The following ADAM17 variants were observed in gnomAD, a reference collection of about 807,000 sequenced individuals.
The protein encoded by ADAM17 is ADAM metallopeptidase domain 17.
In ADAM17, 39 loss-of-function variants were observed where a neutral mutation model predicts 96.7. That is an observed-to-expected ratio of 0.40 (90% CI 0.31 to 0.53). The LOEUF (loss-of-function observed/expected upper bound fraction) is 0.53, where lower values mean the gene tolerates loss of function less well. ADAM17 is among the 20% of genes least tolerant of loss of function. The probability of loss-of-function intolerance (pLI) is 0.44; values close to 1 mark genes in which losing one functional copy is unlikely to be tolerated. For missense variants in ADAM17, 777 were observed against 1,013.2 expected (o/e 0.77, Z 3.17); for synonymous variants, 344 against 359.2 (o/e 0.96, Z 0.48).
chr2:9,505,694 C>T (rs1426360704), intron 11 of ADAM17: 5 of 287,018 alleles, frequency 1.7e-5, no homozygotes, highest in East Asian at 7.7e-5. Flanking sequence ...ACAGAGAGCT[C>T]GTAGCTCCAT....
At chr2:9,548,446 C>A (rs1173726441) in intron 1 of ADAM17, among the ~76,000 whole-genome samples, 2 of 150,224 alleles carry the variant, frequency 1.3e-5, no homozygotes, top group African/African-American at 2.5e-5. Context: ...CAAGTAGAAA[C>A]CACTAAAAGA....
rs1664208547 is a variant in ADAM17, at chr2:9,519,365, C to A, written c.958-1118G>T. 2.0e-5 allele frequency among the ~76,000 whole-genome samples: 3 copies of A among 152,266 alleles called. No homozygotes were observed. The South Asian group carries it at 6.2e-4, about 32-fold the overall frequency. ...AAAACTGGAGAGGACCATCTGTCAACATAAGTCATTTTTCTCTTTGGTTCC... is the reference window on the plus strand; with the variant it reads ...AAAACTGGAGAGGACCATCTGTCAAAATAAGTCATTTTTCTCTTTGGTTCC... On this transcript the variant is annotated intron_variant, in intron 8 of 18. Transcript: ENST00000310823.
chr2:9,525,010 G>A (rs1664459478), intron 6 of ADAM17, among the ~76,000 whole-genome samples: 1 of 151,746 alleles, frequency 6.6e-6, no homozygotes. Context: ...ATAGTGCAAT[G>A]AACAAAGAAG....
At chr2:9,555,039 G>A (rs1665697167) in intron 1 of ADAM17, among the ~76,000 whole-genome samples, 1 of 151,974 alleles carries the variant, frequency 6.6e-6, no homozygotes, top group Admixed American at 6.6e-5. Context: ...TACTGCATAA[G>A]TACCTCCTAC....
chr2:9,518,011 G>A (rs777420780), intron 9 of ADAM17, 22 bp from the exon 10 acceptor site: 11 of 1,581,128 alleles, frequency 7.0e-6, no homozygotes, highest in South Asian at 1.2e-5. Flanking sequence ...AGGAAACAGA[G>A]ATAAATTGCT....
Position 9,547,533 on chromosome 2 carries a change from G to A in ADAM17, c.98-4248C>T, listed in dbSNP as rs574329872. ...CAGCACCCCAGAGAAGGAAAAGAAA[G>A]GAGAGGCCTTAGGTCAAGGGCATAA... On this transcript the variant is annotated intron_variant, in intron 1 of 18. Transcript: ENST00000310823. 1.2e-3 allele frequency among the ~76,000 whole-genome samples: 176 copies of A among 152,264 alleles called. 2 individuals are homozygous for A. The highest frequency in any genetic ancestry group is 4.0e-3 in the African/African-American group (167 of 41,556).
At chr2:9,527,618 A>G in intron 5 of ADAM17, 168 bp downstream of exon 5, 3 of 427,758 alleles carry the variant, frequency 7.0e-6, no homozygotes, top group Non-Finnish European at 7.9e-6. Flanking sequence ...CAACTCTTAC[A>G]TTATAAACAA....
intron 1 of ADAM17, among the ~76,000 whole-genome samples, chr2:9,552,387 G>C (rs1228917758): frequency 6.6e-6 from 1 of 152,122 alleles, no homozygotes; most frequent in Non-Finnish European, 1.5e-5. Context: ...CTAATATAAA[G>C]CAGAGTTACA....
intron 1 of ADAM17, among the ~76,000 whole-genome samples, chr2:9,554,587 C>T (rs1411980205): frequency 6.6e-6 from 1 of 152,192 alleles, no homozygotes; most frequent in Non-Finnish European, 1.5e-5. Context: ...CCATGCAAGC[C>T]TACAATTTCA....
intron 8 of ADAM17, among the ~76,000 whole-genome samples, chr2:9,518,868 C>A (rs556524614): frequency 1.4e-5 from 2 of 147,366 alleles, no homozygotes; most frequent in South Asian, 4.4e-4. Context: ...AACCGTCCAG[C>A]GTCTCCAAGT....
chr2:9,505,488 G>T, intron 11 of ADAM17, 123 bp from the exon 12 acceptor site: 3 of 989,840 alleles, frequency 3.0e-6, no homozygotes, highest in Non-Finnish European at 4.5e-6. Flanking sequence ...CCACCCTGGA[G>T]TTATGGCAAG....
intron 17 of ADAM17, 129 bp from the exon 18 acceptor site, chr2:9,491,280 C>T: frequency 1.3e-6 from 1 of 752,464 alleles, no homozygotes; most frequent in Non-Finnish European, 2.2e-6. Context: ...TGATAGCAGG[C>T]TCAACAGATG....
chr2:9,499,562 C>T (rs910301384), intron 13 of ADAM17, among the ~76,000 whole-genome samples: 3 of 152,094 alleles, frequency 2.0e-5, no homozygotes, highest in Non-Finnish European at 4.4e-5. Flanking sequence ...CCACCACGCC[C>T]AGCTAATTTT....
intron 7 of ADAM17, chr2:9,522,256 G>A (rs927148363): frequency 4.9e-5 from 20 of 407,172 alleles, no homozygotes; most frequent in Non-Finnish European, 7.9e-5. Context: ...GCATAGCACC[G>A]TTGTGTCAAA....
At chr2:9,526,880 C>T (rs1664553307) in intron 5 of ADAM17, among the ~76,000 whole-genome samples, 1 of 152,122 alleles carries the variant, frequency 6.6e-6, no homozygotes, top group South Asian at 2.1e-4. Context: ...TCATATTCTA[C>T]AACAAGAAGT....
chr2:9,494,505 G>T, intron 15 of ADAM17, 132 bp downstream of exon 15: 2 of 1,037,170 alleles, frequency 1.9e-6, no homozygotes, highest in Non-Finnish European at 2.8e-6. Flanking sequence ...AGTAATACCC[G>T]TAGATAACAA....
chr2:9,553,359 C>T (rs931997625), intron 1 of ADAM17, among the ~76,000 whole-genome samples: 1 of 151,594 alleles, frequency 6.6e-6, no homozygotes, highest in South Asian at 2.1e-4. Flanking sequence ...ACTTGTGTGT[C>T]CTTCAAATAT....
chr2:9,490,690 T>A (rs780062675), intron 18 of ADAM17, among the ~76,000 whole-genome samples, 172 bp from the exon 19 acceptor site: 1 of 152,174 alleles, frequency 6.6e-6, no homozygotes, highest in Non-Finnish European at 1.5e-5. Context: ...ACTAGGTTGG[T>A]GCAAAAGTAA....
intron 4 of ADAM17, among the ~76,000 whole-genome samples, chr2:9,529,296 C>G (rs1664647490): frequency 6.6e-6 from 1 of 151,956 alleles, no homozygotes; most frequent in African/African-American, 2.4e-5. Flanking sequence ...GTAAAAAATA[C>G]AAAAATTAGT....
Sources: allele counts gnomAD v4.1 joint callset (sites outside exome capture counted in the v4.1 genomes callset), GRCh38; gene constraint gnomAD v4.1.1; transcripts MANE v1.5; gene names NCBI Gene and HGNC (gene_info 2026-07-23, HGNC 2026-07-21).